Variants in TTLL5 observed in about 807,000 individuals in gnomAD.
TTLL5 encodes the protein tubulin tyrosine ligase like 5, also known as tubulin polyglutamylase TTLL5.
In TTLL5, 132 loss-of-function variants were observed where a neutral mutation model predicts 168.4. That is an observed-to-expected ratio of 0.78 (90% confidence interval 0.68 to 0.91). The LOEUF (loss-of-function observed/expected upper bound fraction) is 0.91, where lower values mean the gene tolerates loss of function less well. TTLL5 is among the 40% of genes least tolerant of loss of function. The probability of loss-of-function intolerance (pLI) is 0.00; values close to 1 mark genes in which losing one functional copy is unlikely to be tolerated. For missense variants in TTLL5, 1,545 were observed against 1,581.5 expected (o/e 0.98, Z 0.39); for synonymous variants, 546 against 558.6 (o/e 0.98, Z 0.32).
Position 75,779,675 on chromosome 14 carries a change from A to G in TTLL5, c.2488A>G (p.Asn830Asp). The G allele has an allele frequency of 6.2e-7, 1 of 1,613,226 alleles. No individual in the cohort carries two copies. Among genetic ancestry groups the G allele is most frequent in the South Asian group, 1.1e-5 (1 of 90,882 alleles). The change falls in exon 24 of 32, where the codon AAT (asparagine) becomes GAT (aspartate). Residue 830 changes from asparagine (N) to aspartate (D), a missense_variant. Transcript: ENST00000298832. ...CTCTAAAATTTCTAAGAACAACAAC[A>G]ATTATTCTGATAGTGGGGCAAAAGG... ...THSKISKNNN[N>D]YSDSGAKGDH...
chr14:75,952,995 T>C (rs1355376451), intron 31 of TTLL5, among the ~76,000 whole-genome samples: 1 of 152,202 alleles, frequency 6.6e-6, no homozygotes, highest in Admixed American at 6.5e-5. Flanking sequence ...TTGTACATGC[T>C]AAAGGAATGA....
intron 9 of TTLL5, among the ~76,000 whole-genome samples, chr14:75,713,035 GGTCT>G (rs1309748200): frequency 6.6e-6 from 1 of 152,138 alleles, no homozygotes; most frequent in Non-Finnish European, 1.5e-5. Context: ...AAGCCTTAAA[GGTCT>G]GTCGTGAGAA....
chr14:75,865,104 A>C (rs2030396950), intron 29 of TTLL5, among the ~76,000 whole-genome samples: 1 of 152,186 alleles, frequency 6.6e-6, no homozygotes. Flanking sequence ...AAAATCTCTT[A>C]ATCTGGAAAG....
chr14:75,789,236 A>G (rs889716441), intron 26 of TTLL5, among the ~76,000 whole-genome samples: 1 of 152,218 alleles, frequency 6.6e-6, no homozygotes, highest in Non-Finnish European at 1.5e-5. Context: ...TGGAGATCAG[A>G]ACCAACATAG....
At chr14:75,727,815 T>C (rs1375291173) in intron 12 of TTLL5, 1 of 500,714 alleles carries the variant, frequency 2.0e-6, no homozygotes, top group African/African-American at 1.9e-5. Flanking sequence ...TAAGCAAAAC[T>C]AATCTGTGAT....
At chr14:75,705,312 CTGCTCATACTGGT>C (rs1886573195) in intron 7 of TTLL5, among the ~76,000 whole-genome samples, 1 of 152,178 alleles carries the variant, frequency 6.6e-6, no homozygotes, top group African/African-American at 2.4e-5. Context: ...GACTTCAGAG[CTGCTCATACTGGT>C]TGTGTATAAT....
At chr14:75,846,507 C>A (rs1419818299) in intron 28 of TTLL5, among the ~76,000 whole-genome samples, 1 of 152,092 alleles carries the variant, frequency 6.6e-6, no homozygotes. Flanking sequence ...AAAAGAGATA[C>A]TGGCCGGGTG....
intron 29 of TTLL5, among the ~76,000 whole-genome samples, chr14:75,868,640 A>G (rs2030737065): frequency 6.6e-6 from 1 of 152,188 alleles, no homozygotes; most frequent in Admixed American, 6.5e-5. Context: ...GCTTTTTGCT[A>G]ATGCTGTGTG....
At chr14:75,829,033 TACTA>T (rs778044863) in intron 28 of TTLL5, among the ~76,000 whole-genome samples, 25 of 152,230 alleles carry the variant, frequency 1.6e-4, no homozygotes, top group Non-Finnish European at 3.5e-4. Context: ...TCATAAAATT[TACTA>T]ATGCAAGTAC....
At chr14:75,822,889 T>C (rs1279917340) in intron 28 of TTLL5, among the ~76,000 whole-genome samples, 3 of 152,192 alleles carry the variant, frequency 2.0e-5, no homozygotes, top group Non-Finnish European at 4.4e-5. Context: ...AGCCCACGAC[T>C]TGCCCAGACA....
chr14:75,742,833 A>G (rs1889354788), intron 15 of TTLL5, among the ~76,000 whole-genome samples: 1 of 152,218 alleles, frequency 6.6e-6, no homozygotes, highest in Non-Finnish European at 1.5e-5. Flanking sequence ...TTTCCAAATT[A>G]TACATTAAAT....
At position 75,889,842 on chromosome 14, in the gene TTLL5, AAAGAGG is replaced by A. The variant is rs1361234071; in HGVS notation, c.3740+6944_3740+6949del. Among the ~76,000 whole-genome samples the A allele has an allele frequency of 4.9e-4, 52 of 106,818 alleles. 1 individual carries two copies. Among genetic ancestry groups the A allele is most frequent in the South Asian group, 4.1e-4 (1 of 2,440 alleles). 70.1% of individuals were successfully genotyped at this position (106,818 alleles called of 152,430 possible). A position where few individuals can be genotyped will look rare whatever the true frequency, so the allele number is the denominator to read the frequency against. On this transcript the variant is annotated intron_variant, in intron 30 of 31. Transcript: ENST00000298832. ...GAGACTCTTAAAAAAAAAAAAAAAA[AAAGAGG>A]AAGGAAGGAAGGGAAGAAGCGAGGG...
intron 5 of TTLL5, among the ~76,000 whole-genome samples, chr14:75,686,911 A>T (rs1885103050): frequency 6.6e-6 from 1 of 152,204 alleles, no homozygotes; most frequent in Non-Finnish European, 1.5e-5. Context: ...GGGGTCCTAA[A>T]ATATTTTATA....
intron 17 of TTLL5, among the ~76,000 whole-genome samples, chr14:75,748,361 A>G (rs929570340): frequency 2.0e-5 from 3 of 149,624 alleles, no homozygotes; most frequent in Non-Finnish European, 3.0e-5. Context: ...TTCATGTTAC[A>G]TATAGTTACA....
Position 75,870,140 on chromosome 14 carries a change from A to G in TTLL5, c.3522+6278A>G, listed in dbSNP as rs890807654. 7.2e-5 allele frequency among the ~76,000 whole-genome samples: 11 copies of G among 151,924 alleles called. No individual in the cohort carries two copies. In the South Asian group the frequency reaches 1.9e-3, roughly 26 times the overall value. Reference sequence around the variant, plus strand: ...AGCCAACAAGTACTTACTGACTCCGATGAAACTATGTTTGAAAAGTTATTA... The same window carrying G: ...AGCCAACAAGTACTTACTGACTCCGGTGAAACTATGTTTGAAAAGTTATTA... On this transcript the variant is annotated intron_variant, in intron 29 of 31. Coordinates refer to ENST00000298832, the MANE Select transcript of TTLL5 (RefSeq NM_015072.5).
chr14:75,927,476 A>G (rs2034113818), intron 31 of TTLL5, among the ~76,000 whole-genome samples: 1 of 152,242 alleles, frequency 6.6e-6, no homozygotes, highest in Non-Finnish European at 1.5e-5. Context: ...AATAGTTAAT[A>G]TTTAGAAAGT....
intron 31 of TTLL5, among the ~76,000 whole-genome samples, chr14:75,945,198 T>C (rs987643814): frequency 6.7e-6 from 1 of 148,272 alleles, no homozygotes; most frequent in Non-Finnish European, 1.5e-5. Flanking sequence ...TTTATAGATA[T>C]ATAATATATA....
intron 28 of TTLL5, among the ~76,000 whole-genome samples, chr14:75,830,965 T>C (rs1408547837): frequency 1.3e-5 from 2 of 152,210 alleles, no homozygotes; most frequent in African/African-American, 4.8e-5. Flanking sequence ...TTCACCATGA[T>C]GTCCAGTATG....
At chr14:75,737,598 G>C (rs1888989226) in intron 15 of TTLL5, 1 of 1,535,604 alleles carries the variant, frequency 6.5e-7, no homozygotes, top group Non-Finnish European at 8.7e-7. Flanking sequence ...AGTCGTCAAA[G>C]GCCAAGCAGG....
Sources: allele counts gnomAD v4.1 joint callset (sites outside exome capture counted in the v4.1 genomes callset), GRCh38; gene constraint gnomAD v4.1.1; transcripts MANE v1.5; gene names NCBI Gene and HGNC (gene_info 2026-07-23, HGNC 2026-07-21).